Variants in HIBADH observed in about 807,000 individuals in gnomAD.
The protein encoded by HIBADH is 3-hydroxyisobutyrate dehydrogenase.
In HIBADH, 25 loss-of-function variants were observed where a neutral mutation model predicts 36.1. That is an observed-to-expected ratio of 0.69 (90% CI 0.50 to 0.97). The LOEUF is 0.97. Ranked by LOEUF, HIBADH falls within the 50% of genes least tolerant of loss-of-function variation. The pLI is 0.00. For synonymous variants in HIBADH, 160 were observed against 149.5 expected (o/e 1.07, Z -0.51); for missense variants, 421 against 418.0 (o/e 1.01, Z -0.06).
At chr7:27,640,987 A>G (rs1428908558) in intron 2 of HIBADH, among the ~76,000 whole-genome samples, 1 of 152,164 alleles carries the variant, frequency 6.6e-6, no homozygotes, top group South Asian at 2.1e-4. Context: ...AAAAGCCTCC[A>G]GGGTCATAAT....
chr7:27,573,476 T>C (rs1784658068), intron 4 of HIBADH, among the ~76,000 whole-genome samples: 1 of 152,218 alleles, frequency 6.6e-6, no homozygotes, highest in African/African-American at 2.4e-5. Context: ...GACTAGAGTA[T>C]GAGCTTCTTG....
At position 27,628,218 on chromosome 7, in the gene HIBADH, A is replaced by G. The variant is rs529860792; in HGVS notation, c.484+1153T>C. The stretch of plus-strand genomic sequence containing the variant: ...CTAAATCCTATTTAAGTAATTCAAT[A>G]TAACAATCAGAAGAGCCAGCAATTA... On this transcript the variant is annotated intron_variant, in intron 4 of 7. Transcript: ENST00000265395. Among the ~76,000 whole-genome samples, 99 of 152,262 alleles carry G rather than the reference A, an allele frequency of 6.5e-4. 1 individual carries two copies. Among genetic ancestry groups the G allele is most frequent in the South Asian group, 5.6e-3 (27 of 4,832 alleles).
rs533657025 is a variant in HIBADH, at chr7:27,585,246, C to CAT, written c.485-42148_485-42147dup. 4.5e-3 allele frequency among the ~76,000 whole-genome samples: 594 copies of CAT among 132,840 alleles called. 2 individuals carry two copies. Among genetic ancestry groups the CAT allele is most frequent in the Middle Eastern group, 0.022 (6 of 276 alleles). The allele number at this position is 132,840 out of a possible 152,430, so 87.1% of individuals were successfully genotyped here. ...ATATTTGCATGTGCACACACGTGTG[C>CAT]ATATATACACACGTGTGTATGTATG... On this transcript the variant is annotated intron_variant, in intron 4 of 7. Coordinates refer to ENST00000265395, the MANE Select transcript of HIBADH (RefSeq NM_152740.4).
intron 1 of HIBADH, among the ~76,000 whole-genome samples, chr7:27,659,252 TAG>T (rs1343136638): frequency 6.6e-6 from 1 of 152,230 alleles, no homozygotes; most frequent in Admixed American, 6.5e-5. Flanking sequence ...TGACATTTTG[TAG>T]AGGGCCTATA....
intron 2 of HIBADH, among the ~76,000 whole-genome samples, chr7:27,637,081 T>TA (rs1296915689): frequency 6.6e-6 from 1 of 152,154 alleles, no homozygotes; most frequent in Non-Finnish European, 1.5e-5. Flanking sequence ...TTTGGAGAAA[T>TA]ATGGCATAGA....
chr7:27,617,753 G>GAGCT (rs1291901418), intron 4 of HIBADH, among the ~76,000 whole-genome samples: 7 of 152,154 alleles, frequency 4.6e-5, no homozygotes, highest in African/African-American at 1.7e-4. Flanking sequence ...AACCACAAGA[G>GAGCT]AGCTCCTCTA....
chr7:27,635,777 T>C (rs1583611757), intron 2 of HIBADH, among the ~76,000 whole-genome samples: 1 of 97,332 alleles, frequency 1.0e-5, no homozygotes, highest in Non-Finnish European at 1.9e-5. Context: ...TCTGCTCTGA[T>C]TGTCAAGGCT....
At chr7:27,601,375 T>C (rs1398905825) in intron 4 of HIBADH, among the ~76,000 whole-genome samples, 1 of 152,112 alleles carries the variant, frequency 6.6e-6, no homozygotes, top group Non-Finnish European at 1.5e-5. Context: ...CAAATGATAA[T>C]TGCAATGCCT....
At chr7:27,652,657 C>A (rs1786217532) in intron 1 of HIBADH, among the ~76,000 whole-genome samples, 1 of 152,188 alleles carries the variant, frequency 6.6e-6, no homozygotes, top group African/African-American at 2.4e-5. Flanking sequence ...TCTGGTAGGT[C>A]CACTTCCTCG....
At position 27,531,215 on chromosome 7, in the gene HIBADH, A is replaced by G. The variant is rs1783993313; in HGVS notation, c.829T>C (p.Phe277Leu). 12 of 1,613,588 alleles carry G rather than the reference A, an allele frequency of 7.4e-6. No individual in the cohort carries two copies. The East Asian group carries it at 2.7e-4, about 36-fold the overall frequency. The change falls in exon 7 of 8, where the codon TTT becomes CTT. Residue 277 changes from phenylalanine to leucine, a missense_variant. Phe to Leu is a conservative substitution (Grantham distance 22, BLOSUM62 0). Coordinates refer to ENST00000265395, the MANE Select transcript of HIBADH (RefSeq NM_152740.4). ...ACCTTAGCCATGAGTGTTGTTCCAA[A>G]TCCACCCTGATAGTTATTAGCCGAG... ...VPSANNYQGG[F>L]GTTLMAKDLG...
At chr7:27,645,368 ATTTTTT>A (rs762685685) in intron 2 of HIBADH, among the ~76,000 whole-genome samples, 9 of 59,652 alleles carry the variant, frequency 1.5e-4, no homozygotes, top group South Asian at 6.8e-4. Flanking sequence ...CATGGTTTTG[ATTTTTT>A]TTTTTTTTTT....
chr7:27,654,994 C>G (rs547668683), intron 1 of HIBADH, among the ~76,000 whole-genome samples: 2 of 152,262 alleles, frequency 1.3e-5, no homozygotes, highest in East Asian at 3.9e-4. Context: ...GCCACACTCT[C>G]TTGACTGTGA....
At chr7:27,603,726 T>G (rs1166670070) in intron 4 of HIBADH, among the ~76,000 whole-genome samples, 1 of 152,182 alleles carries the variant, frequency 6.6e-6, no homozygotes, top group Non-Finnish European at 1.5e-5. Context: ...CAAATTTCAC[T>G]AAATTAAATT....
intron 5 of HIBADH, chr7:27,541,689 A>G (rs1784154107): frequency 2.5e-6 from 1 of 401,530 alleles, no homozygotes; most frequent in Non-Finnish European, 4.8e-6. Context: ...TCTTAGGAGC[A>G]CTTCCAGCAT....
chr7:27,597,025 G>A (rs1785044423), intron 4 of HIBADH, among the ~76,000 whole-genome samples: 1 of 151,954 alleles, frequency 6.6e-6, no homozygotes, highest in Admixed American at 6.6e-5. Flanking sequence ...ATTAAGGCAA[G>A]TGTTAAGGAA....
chr7:27,648,059 C>A (rs1454496405), intron 2 of HIBADH, among the ~76,000 whole-genome samples: 1 of 152,170 alleles, frequency 6.6e-6, no homozygotes, highest in Admixed American at 6.5e-5. Context: ...TGTAAAATGG[C>A]AATACCAAAT....
intron 4 of HIBADH, among the ~76,000 whole-genome samples, chr7:27,604,495 G>C (rs930790687): frequency 6.6e-6 from 1 of 151,622 alleles, no homozygotes; most frequent in Non-Finnish European, 1.5e-5. Flanking sequence ...AACACAACAA[G>C]CCAAGAAGCA....
chr7:27,608,395 C>T (rs1785268039), intron 4 of HIBADH, among the ~76,000 whole-genome samples: 2 of 152,192 alleles, frequency 1.3e-5, no homozygotes, highest in Non-Finnish European at 2.9e-5. Context: ...ACAACTACAT[C>T]ACCCAAGCAA....
At chr7:27,547,749 T>C (rs1208405497) in intron 4 of HIBADH, among the ~76,000 whole-genome samples, 2 of 152,144 alleles carry the variant, frequency 1.3e-5, no homozygotes, top group Non-Finnish European at 2.9e-5. Flanking sequence ...CTTTTGAAAT[T>C]CTATGATAAT....
Sources: allele counts gnomAD v4.1 joint callset (sites outside exome capture counted in the v4.1 genomes callset), GRCh38; gene constraint gnomAD v4.1.1; transcripts MANE v1.5; gene names NCBI Gene and HGNC (gene_info 2026-07-23, HGNC 2026-07-21).